Variants in SFXN1 observed in about 807,000 individuals in gnomAD.
The protein encoded by SFXN1 is sideroflexin 1.
Under a neutral mutation model 39.5 loss-of-function variants are expected in SFXN1, and 32 were observed. That is an observed-to-expected ratio of 0.81 (90% CI 0.61 to 1.09). SFXN1 has a LOEUF of 1.09. SFXN1 is among the 50% of genes least tolerant of loss of function. The pLI is 0.00. For missense variants in SFXN1, 402 were observed against 407.1 expected, an observed-to-expected ratio of 0.99 and a Z score of 0.11; for synonymous variants, 136 against 146.5, an observed-to-expected ratio of 0.93 and a Z score of 0.52.
Position 175,521,921 on chromosome 5 carries a change from G to A in SFXN1, c.777G>A (p.Arg259=). Residue 259 remains arginine, a splice_region_variant and synonymous_variant, in exon 9 of 11, where the codon AGG becomes AGA. Transcript: ENST00000321442. Reference sequence around the variant, plus strand: ...AAGCCATTTATTTCTCAACACAGAGGTTCCCATGGATGAGTGCACCCATTC... The same window carrying A: ...AAGCCATTTATTTCTCAACACAGAGATTCCCATGGATGAGTGCACCCATTC... ...NTLEKKAFLK[R]FPWMSAPIQV... 1 of 1,596,612 alleles carries A rather than the reference G, an allele frequency of 6.3e-7. No homozygotes were observed. Among genetic ancestry groups the A allele is most frequent in the South Asian group, 1.1e-5 (1 of 88,046 alleles).
intron 10 of SFXN1, chr5:175,524,116 AAAAAAAAAAATATATATATATATAT>A (rs1760966564): frequency 1.5e-5 from 1 of 67,752 alleles, no homozygotes; most frequent in African/African-American, 5.7e-5. Flanking sequence ...AAAAAAAAAA[AAAAAAAAAAATATATATATATATAT>A]ATATATATAT....
intron 2 of SFXN1, among the ~76,000 whole-genome samples, chr5:175,495,937 G>C (rs1433284991): frequency 2.8e-5 from 4 of 140,568 alleles, no homozygotes; most frequent in African/African-American, 1.0e-4. Context: ...TTTCGCTCTT[G>C]TTGCCCAGGC....
intron 2 of SFXN1, among the ~76,000 whole-genome samples, chr5:175,503,928 TGGGA>T (rs1240438041): frequency 0.15 from 21,610 of 147,830 alleles, 1,681 homozygotes; most frequent in African/African-American, 0.21. Context: ...TGCTTGAACC[TGGGA>T]GGTAGAGGTT....
intron 2 of SFXN1, among the ~76,000 whole-genome samples, chr5:175,495,369 A>G (rs267386): frequency 0.84 from 127,207 of 152,188 alleles, 53,436 homozygotes; most frequent in African/African-American, 0.91. Context: ...TGTTCTAGAC[A>G]TGGATAGTGG....
rs1761148866 is a variant in SFXN1, at chr5:175,528,685, T to TCCTG, written c.*1951_*1952insCCTG. On this transcript the variant is annotated 3_prime_UTR_variant, in exon 11 of 11. Transcript: ENST00000321442. The stretch of plus-strand genomic sequence containing the variant: ...GCTTTGGGCCACTCAGAGCCTTCCT[T>TCCTG]GATGCTGCCAGAGTCTTCTTATTTA... The TCCTG allele has an allele frequency of 6.6e-6, 1 of 152,234 alleles. No homozygotes were observed. The highest frequency in any genetic ancestry group is 2.1e-4 in the South Asian group (1 of 4,838). The allele number at this position is 152,234 out of a possible 1,614,324, so 9.4% of individuals were successfully genotyped here.
rs1761086402 is a variant in SFXN1 at position 175,526,992 on chromosome 5, G to A, written c.*258G>A. ...GCTTTTATAGTCATTGTTTTTCAAAGACGATATACCAGCCCTCACCCAGGT... is the reference window on the plus strand; with the variant it reads ...GCTTTTATAGTCATTGTTTTTCAAAAACGATATACCAGCCCTCACCCAGGT... On this transcript the variant is annotated 3_prime_UTR_variant, in exon 11 of 11. Transcript: ENST00000321442. 2 of 473,012 alleles carry A rather than the reference G, an allele frequency of 4.2e-6. No individual in the cohort carries two copies. Among genetic ancestry groups the A allele is most frequent in the Non-Finnish European group, 7.5e-6 (2 of 266,866 alleles). The allele number at this position is 473,012 out of a possible 1,614,324, so 29.3% of individuals were successfully genotyped here. A position where few individuals can be genotyped will look rare whatever the true frequency, so the allele number is the denominator to read the frequency against.
chr5:175,480,197 C>A (rs1386252130), intron 1 of SFXN1, among the ~76,000 whole-genome samples: 1 of 152,124 alleles, frequency 6.6e-6, no homozygotes, highest in African/African-American at 2.4e-5. Context: ...GTCAGGAGAT[C>A]AAGACCATCC....
intron 2 of SFXN1, among the ~76,000 whole-genome samples, chr5:175,496,678 T>C (rs538150426): frequency 1.3e-5 from 2 of 152,338 alleles, no homozygotes; most frequent in African/African-American, 4.8e-5. Context: ...AGCTCAGTGA[T>C]GATATGACAT....
chr5:175,523,707 G>A (rs1373247948), intron 10 of SFXN1: 2 of 152,054 alleles, frequency 1.3e-5, no homozygotes, highest in African/African-American at 4.8e-5. Context: ...AAACTCTAGG[G>A]GTAGAAATGG....
At chr5:175,508,868 C>T (rs999777407) in intron 2 of SFXN1, among the ~76,000 whole-genome samples, 164 bp from the exon 3 acceptor site, 6 of 152,036 alleles carry the variant, frequency 3.9e-5, no homozygotes, top group African/African-American at 1.2e-4. Flanking sequence ...ATCTCTTGAC[C>T]TTGTGATCCA....
chr5:175,491,945 A>G, intron 1 of SFXN1, 150 bp from the exon 2 acceptor site: 1 of 488,842 alleles, frequency 2.0e-6, no homozygotes, highest in Non-Finnish European at 3.6e-6. Context: ...TTGAATTTAG[A>G]TGGCCTTTTT....
intron 8 of SFXN1, among the ~76,000 whole-genome samples, chr5:175,517,839 TG>T (rs1377838500): frequency 6.6e-6 from 1 of 152,146 alleles, no homozygotes; most frequent in Non-Finnish European, 1.5e-5. Flanking sequence ...GCCCATGCGG[TG>T]GTGTGCCTTG....
chr5:175,522,485 C>T (rs568097960), intron 10 of SFXN1, 63 bp downstream of exon 10: 2 of 1,494,378 alleles, frequency 1.3e-6, no homozygotes, highest in Non-Finnish European at 1.8e-6. Context: ...ATTGAAGGTG[C>T]AGGTGCCATT....
Position 175,526,956 on chromosome 5 carries a change from C to G in SFXN1, c.*222C>G. On this transcript the variant is annotated 3_prime_UTR_variant, in exon 11 of 11. Coordinates refer to ENST00000321442, the MANE Select transcript of SFXN1 (RefSeq NM_022754.7). ...AATCATGTTATGATTTATAGAAATA[C>G]CTTTCCTGTAGCTTTTATAGTCATT... The G allele has an allele frequency of 1.8e-6, 1 of 541,866 alleles. No homozygotes were observed. The highest frequency in any genetic ancestry group is 3.3e-6 in the Non-Finnish European group (1 of 307,434). The allele number at this position is 541,866 out of a possible 1,614,324, so 33.6% of individuals were successfully genotyped here. A position where few individuals can be genotyped will look rare whatever the true frequency, so the allele number is the denominator to read the frequency against.
chr5:175,504,910 A>G (rs529088552), intron 2 of SFXN1, among the ~76,000 whole-genome samples: 2 of 152,046 alleles, frequency 1.3e-5, no homozygotes, highest in Admixed American at 6.5e-5. Context: ...TTGTATTTTT[A>G]GTAGAGACGA....
At chr5:175,511,594 T>G (rs759801652) in intron 5 of SFXN1, 68 bp downstream of exon 5, 3 of 1,241,482 alleles carry the variant, frequency 2.4e-6, no homozygotes, top group Non-Finnish European at 3.5e-6. Flanking sequence ...TCTAAATCCC[T>G]CTATTATTTC....
chr5:175,485,122 GTT>G (rs1436113133), intron 1 of SFXN1, among the ~76,000 whole-genome samples: 1 of 152,140 alleles, frequency 6.6e-6, no homozygotes, highest in African/African-American at 2.4e-5. Flanking sequence ...CTGTATGTTT[GTT>G]TGTTTGATTT....
At chr5:175,487,409 C>T (rs1036203905) in intron 1 of SFXN1, among the ~76,000 whole-genome samples, 1 of 152,108 alleles carries the variant, frequency 6.6e-6, no homozygotes, top group African/African-American at 2.4e-5. Context: ...TTAAATCCAC[C>T]TCCTCCCGCT....
intron 8 of SFXN1, 94 bp from the exon 9 acceptor site, chr5:175,521,824 GA>G: frequency 1.0e-6 from 1 of 975,464 alleles, no homozygotes; most frequent in Non-Finnish European, 1.5e-6. Flanking sequence ...TCTGAATCTT[GA>G]AATGTGGTGA....
Sources: gnomAD v4.1 joint callset for allele counts (sites outside exome capture counted in the v4.1 genomes callset) on GRCh38, gnomAD v4.1.1 for gene constraint, MANE v1.5 for transcripts, NCBI Gene and HGNC (gene_info 2026-07-23, HGNC 2026-07-21) for gene names.